Variants in SNTG2 observed in about 807,000 individuals in gnomAD.
SNTG2 encodes gamma-2-syntrophin.
Under a neutral mutation model 70.9 loss-of-function variants are expected in SNTG2, and 74 were observed. That is an observed-to-expected ratio of 1.04 (90% confidence interval 0.86 to 1.27). The LOEUF (loss-of-function observed/expected upper bound fraction) is 1.27. SNTG2 is among the 50% of genes most tolerant of loss of function. SNTG2 has a pLI of 0.00. For synonymous variants in SNTG2, 278 were observed against 273.8 expected (o/e 1.02, Z -0.15); for missense variants, 717 against 690.7 (o/e 1.04, Z -0.43).
chr2:1,157,010 C>A (rs4246562), intron 6 of SNTG2, among the ~76,000 whole-genome samples: 128,088 of 152,108 alleles, frequency 0.84, 55,446 homozygotes, highest in Non-Finnish European at 0.96. Context: ...GGAATGCAGA[C>A]AGGAAAAGTC....
chr2:1,155,163 ACGTAGACCCCCCCCC>A (rs999930659), intron 6 of SNTG2, among the ~76,000 whole-genome samples: 7 of 73,686 alleles, frequency 9.5e-5, no homozygotes, highest in African/African-American at 5.3e-4. Context: ...ACACACACAC[ACGTAGACCCCCCCCC>A]CACACACATA....
intron 16 of SNTG2, among the ~76,000 whole-genome samples, chr2:1,361,500 CAA>C (rs1223925316): frequency 6.6e-6 from 1 of 152,222 alleles, no homozygotes; most frequent in Non-Finnish European, 1.5e-5. Flanking sequence ...TCTATGCAAA[CAA>C]AGAGTGTTTA....
At chr2:1,279,120 T>A (rs1452503990) in intron 14 of SNTG2, among the ~76,000 whole-genome samples, 7 of 147,996 alleles carry the variant, frequency 4.7e-5, no homozygotes, top group Non-Finnish European at 1.5e-5. Context: ...AGCGCGCGAA[T>A]CACCCGTCAG....
intron 14 of SNTG2, among the ~76,000 whole-genome samples, chr2:1,292,139 G>A (rs575311097): frequency 4.6e-5 from 7 of 152,090 alleles, no homozygotes; most frequent in East Asian, 1.9e-4. Flanking sequence ...CAGGTTGTTC[G>A]TTGTTAGCAT....
chr2:1,269,232 G>A (rs1038071939), intron 14 of SNTG2, among the ~76,000 whole-genome samples: 6 of 152,206 alleles, frequency 3.9e-5, no homozygotes, highest in Admixed American at 1.3e-4. Flanking sequence ...GTCTGCGCAC[G>A]GTGGTTCATG....
At chr2:1,194,065 C>G (rs1415851213) in intron 8 of SNTG2, among the ~76,000 whole-genome samples, 8 of 152,226 alleles carry the variant, frequency 5.3e-5, no homozygotes, top group Admixed American at 2.6e-4. Context: ...GGCAGGAATC[C>G]TGGCAGCCTT....
intron 12 of SNTG2, among the ~76,000 whole-genome samples, chr2:1,251,346 A>C (rs544593828): frequency 9.8e-5 from 15 of 152,294 alleles, no homozygotes; most frequent in African/African-American, 3.6e-4. Context: ...TGTTAATTAC[A>C]CCAATATAGA....
intron 8 of SNTG2, among the ~76,000 whole-genome samples, chr2:1,204,703 A>C (rs562943924): frequency 6.6e-6 from 1 of 152,310 alleles, no homozygotes; most frequent in African/African-American, 2.4e-5. Context: ...TAATTCCTCT[A>C]TTGTATTAGC....
intron 6 of SNTG2, among the ~76,000 whole-genome samples, chr2:1,146,322 A>G (rs1669097398): frequency 6.6e-6 from 1 of 152,242 alleles, no homozygotes; most frequent in South Asian, 2.1e-4. Context: ...AAAGAAATAA[A>G]TTACTTAGGT....
In SNTG2 at chr2:1,273,466, C is replaced by T. The variant is rs531576858; in HGVS notation, c.1284+5895C>T. ...CTCTGTGATTCATTAATGCCTTTAC[C>T]ACTCCTACCGTACTATCAAGACAAG... On this transcript the variant is annotated intron_variant, in intron 14 of 16. Coordinates refer to ENST00000308624, the MANE Select transcript of SNTG2 (RefSeq NM_018968.4). Among the ~76,000 whole-genome samples the T allele has an allele frequency of 3.3e-5, 5 of 152,068 alleles. No individual in the cohort carries two copies. The South Asian group carries it at 1.0e-3, about 32-fold the overall frequency.
rs549515179 is a variant in SNTG2 at position 1,090,059 on chromosome 2, T to A, written c.210+6404T>A. 2.0e-5 allele frequency among the ~76,000 whole-genome samples: 3 copies of A among 152,314 alleles called. No individual in the cohort carries two copies. The East Asian group carries it at 5.8e-4, about 29-fold the overall frequency. ...ACGCATTTTTCCACAGACAACATAT[T>A]TTTTGTGTGTTTTTCAATTGTAGAT... is the stretch of plus-strand genomic sequence containing the variant. On this transcript the variant is annotated intron_variant, in intron 2 of 16. Coordinates refer to ENST00000308624, the MANE Select transcript of SNTG2 (RefSeq NM_018968.4).
chr2:1,082,431 A>G (rs530667984), intron 1 of SNTG2, among the ~76,000 whole-genome samples: 5 of 152,236 alleles, frequency 3.3e-5, no homozygotes, highest in Admixed American at 6.5e-5. Context: ...GCAGGGTCCT[A>G]TGTGGCCACA....
intron 4 of SNTG2, among the ~76,000 whole-genome samples, chr2:1,110,940 C>G (rs1444620534): frequency 6.6e-6 from 1 of 152,200 alleles, no homozygotes; most frequent in Non-Finnish European, 1.5e-5. Context: ...AATCTTTTCT[C>G]ACCTGGCGGT....
chr2:1,017,467 C>CA (rs1193401464), intron 1 of SNTG2, among the ~76,000 whole-genome samples: 1 of 152,150 alleles, frequency 6.6e-6, no homozygotes, highest in Non-Finnish European at 1.5e-5. Context: ...AACATGCAAA[C>CA]AAATGCACAT....
At chr2:1,172,406 A>T (rs1671185027) in intron 7 of SNTG2, among the ~76,000 whole-genome samples, 2 of 152,084 alleles carry the variant, frequency 1.3e-5, no homozygotes, top group South Asian at 4.2e-4. Flanking sequence ...GGAGCTGCCC[A>T]CTCTTATAGT....
intron 1 of SNTG2, among the ~76,000 whole-genome samples, chr2:1,077,951 A>G (rs1664036728): frequency 6.6e-6 from 1 of 151,560 alleles, no homozygotes; most frequent in South Asian, 2.1e-4. Flanking sequence ...CACGGCCCTC[A>G]CTGTTTTGCG....
At chr2:1,338,311 C>T (rs1659918723) in intron 16 of SNTG2, among the ~76,000 whole-genome samples, 1 of 152,162 alleles carries the variant, frequency 6.6e-6, no homozygotes, top group Admixed American at 6.5e-5. Flanking sequence ...ATTATGCCTT[C>T]CAACCCATAA....
In SNTG2 at chr2:1,176,604, A is replaced by G. The variant is rs1030450080; in HGVS notation, c.591+3421A>G. ...ATTTTTGCAATCTATCTGTCTGACA[A>G]AGGTCTAATATCCAGAATCTACAAG... On this transcript the variant is annotated intron_variant, in intron 8 of 16. Coordinates refer to ENST00000308624, the MANE Select transcript of SNTG2 (RefSeq NM_018968.4). Among the ~76,000 whole-genome samples the G allele has an allele frequency of 8.5e-5, 13 of 152,234 alleles. No individual in the cohort carries two copies. In the South Asian group the frequency reaches 1.5e-3, roughly 17 times the overall value.
chr2:1,090,383 T>G (rs1664943802), intron 2 of SNTG2, among the ~76,000 whole-genome samples: 1 of 152,234 alleles, frequency 6.6e-6, no homozygotes. Flanking sequence ...TGTGGTGAGT[T>G]CTTGTTACCA....
Sources: gnomAD v4.1 joint callset for allele counts (sites outside exome capture counted in the v4.1 genomes callset) on GRCh38, gnomAD v4.1.1 for gene constraint, MANE v1.5 for transcripts, NCBI Gene and HGNC (gene_info 2026-07-23, HGNC 2026-07-21) for gene names.